The following TLL2 variants were observed in gnomAD, a reference collection of about 807,000 sequenced individuals.
The protein encoded by TLL2 is tolloid-like protein 2.
In TLL2, 106 loss-of-function variants were observed where a neutral mutation model predicts 123.0. The observed-to-expected ratio is 0.86, with a 90% CI of 0.74 to 1.01. The LOEUF is 1.01. Among genes scored for constraint, TLL2 ranks in the 50% least tolerant of loss-of-function variants. The pLI is 0.00. For missense variants in TLL2, 1,332 were observed against 1,336.7 expected, an observed-to-expected ratio of 1.00 and a Z score of 0.06; for synonymous variants, 494 against 516.8, an observed-to-expected ratio of 0.96 and a Z score of 0.60.
At chr10:96,484,166 A>G (rs1260396569) in intron 1 of TLL2, among the ~76,000 whole-genome samples, 1 of 152,090 alleles carries the variant, frequency 6.6e-6, no homozygotes, top group Non-Finnish European at 1.5e-5. Context: ...TTTCTGGCTA[A>G]TGAAAGTGAG....
At chr10:96,436,159 T>C (rs1486976865) in intron 3 of TLL2, among the ~76,000 whole-genome samples, 2 of 152,348 alleles carry the variant, frequency 1.3e-5, no homozygotes, top group East Asian at 3.9e-4. Flanking sequence ...AACTCTGCCA[T>C]TGTACTGTGA....
intron 20 of TLL2, 113 bp downstream of exon 20, chr10:96,369,952 G>T: frequency 7.1e-7 from 1 of 1,412,406 alleles, no homozygotes; most frequent in Non-Finnish European, 9.3e-7. Context: ...CCTCCTCGCC[G>T]TTGCTCCTAA....
chr10:96,372,726 A>G (rs1199785126), intron 19 of TLL2, among the ~76,000 whole-genome samples: 1 of 152,202 alleles, frequency 6.6e-6, no homozygotes, highest in Non-Finnish European at 1.5e-5. Context: ...ATAGACCAGC[A>G]AAATACCTGG....
chr10:96,376,654 C>T, intron 18 of TLL2, 38 bp downstream of exon 18: 1 of 1,605,734 alleles, frequency 6.2e-7, no homozygotes, highest in Non-Finnish European at 8.5e-7. Context: ...GCCTGATACT[C>T]AAGTCCACAT....
intron 2 of TLL2, among the ~76,000 whole-genome samples, chr10:96,471,576 T>C (rs373109613): frequency 1.3e-5 from 2 of 152,248 alleles, no homozygotes; most frequent in East Asian, 3.8e-4. Flanking sequence ...TTATTATTTT[T>C]GGTGTCAGAC....
At chr10:96,401,418 C>T (rs1215050834) in intron 10 of TLL2, among the ~76,000 whole-genome samples, 1 of 152,112 alleles carries the variant, frequency 6.6e-6, no homozygotes, top group African/African-American at 2.4e-5. Flanking sequence ...TCACTAACAA[C>T]TGCATTTGGA....
intron 2 of TLL2, among the ~76,000 whole-genome samples, chr10:96,447,775 C>T (rs758117056): frequency 6.6e-6 from 1 of 152,140 alleles, no homozygotes; most frequent in Non-Finnish European, 1.5e-5. Context: ...TCCCAGTCTC[C>T]CCTTTAACCC....
chr10:96,476,248 T>TGTTTGTTGTTGTTGTTGTTG lies in TLL2; in HGVS notation c.286+4100_286+4101insCAACAACAACAACAACAAAC, dbSNP rs1554939656. Among the ~76,000 whole-genome samples, 54 of 69,246 alleles carry TGTTTGTTGTTGTTGTTGTTG rather than the reference T, an allele frequency of 7.8e-4. 5 individuals carry two copies. The highest frequency in any genetic ancestry group is 3.3e-3 in the African/African-American group (53 of 16,074). 45.4% of individuals were successfully genotyped at this position (69,246 alleles called of 152,430 possible). On this transcript the variant is annotated intron_variant, in intron 2 of 20. Transcript: ENST00000357947. ...TATATATATATATATATATTTTATT[T>TGTTTGTTGTTGTTGTTGTTG]TTGTTGTTGTTGTTGTTGTTGAGAC...
intron 2 of TLL2, among the ~76,000 whole-genome samples, chr10:96,479,455 A>G (rs1847289975): frequency 6.6e-6 from 1 of 152,216 alleles, no homozygotes; most frequent in African/African-American, 2.4e-5. Context: ...GTCACCACAT[A>G]CATGAGCAGC....
chr10:96,381,881 G>T (rs1031509312), intron 16 of TLL2, among the ~76,000 whole-genome samples: 7 of 152,200 alleles, frequency 4.6e-5, no homozygotes, highest in Admixed American at 3.9e-4. Context: ...TGGAACTCTG[G>T]GTATCTATAA....
At chr10:96,501,253 G>A (rs1847530692) in intron 1 of TLL2, among the ~76,000 whole-genome samples, 2 of 152,130 alleles carry the variant, frequency 1.3e-5, no homozygotes. Context: ...CCACCTCAAG[G>A]GCACCCCAGT....
At chr10:96,506,663 A>G (rs1221798360) in intron 1 of TLL2, among the ~76,000 whole-genome samples, 1 of 151,784 alleles carries the variant, frequency 6.6e-6, no homozygotes, top group Non-Finnish European at 1.5e-5. Flanking sequence ...TGCACTGCAT[A>G]TCTGGGGCTG....
chr10:96,465,104 T>C (rs952722179), intron 2 of TLL2, among the ~76,000 whole-genome samples: 2 of 152,120 alleles, frequency 1.3e-5, no homozygotes, highest in African/African-American at 2.4e-5. Context: ...CTCAGGGAAC[T>C]GGAGGAGAGA....
intron 2 of TLL2, among the ~76,000 whole-genome samples, chr10:96,459,946 A>C (rs1847063350): frequency 6.6e-6 from 1 of 151,690 alleles, no homozygotes; most frequent in Non-Finnish European, 1.5e-5. Flanking sequence ...TTTCAAGTAC[A>C]AATAAACCAT....
chr10:96,472,209 G>A (rs7084796), intron 2 of TLL2, among the ~76,000 whole-genome samples: 51,699 of 152,004 alleles, frequency 0.34, 9,085 homozygotes, highest in Middle Eastern at 0.47. Flanking sequence ...AGAGAAGACA[G>A]ACTTGAATCC....
intron 1 of TLL2, among the ~76,000 whole-genome samples, chr10:96,494,261 G>A (rs1457419430): frequency 6.6e-6 from 1 of 152,216 alleles, no homozygotes; most frequent in African/African-American, 2.4e-5. Context: ...CTGCAGAGCT[G>A]GGGAGACTTC....
intron 10 of TLL2, among the ~76,000 whole-genome samples, chr10:96,404,367 C>T (rs778209541): frequency 4.6e-5 from 7 of 152,098 alleles, no homozygotes; most frequent in Non-Finnish European, 8.8e-5. Context: ...ATGCCCTGTT[C>T]ATCTCACCAA....
At chr10:96,465,788 G>A (rs1847124577) in intron 2 of TLL2, among the ~76,000 whole-genome samples, 1 of 152,198 alleles carries the variant, frequency 6.6e-6, no homozygotes, top group Non-Finnish European at 1.5e-5. Context: ...TGAATAGGGA[G>A]TGGTGGGGAC....
intron 12 of TLL2, among the ~76,000 whole-genome samples, chr10:96,395,650 A>G (rs1846332786): frequency 6.6e-6 from 1 of 152,138 alleles, no homozygotes; most frequent in Non-Finnish European, 1.5e-5. Flanking sequence ...TTTCACTTTG[A>G]TTATTATTCT....
Sources: allele counts gnomAD v4.1 joint callset (sites outside exome capture counted in the v4.1 genomes callset), GRCh38; gene constraint gnomAD v4.1.1; transcripts MANE v1.5; gene names NCBI Gene and HGNC (gene_info 2026-07-23, HGNC 2026-07-21).